Variants in SKA2 observed in about 807,000 individuals in gnomAD.
SKA2 encodes the protein spindle and kinetochore-associated protein 2.
SKA2 carries 13 observed loss-of-function variants against 16.9 expected under a neutral mutation model. The observed-to-expected ratio is 0.77, with a 90% CI of 0.50 to 1.22. SKA2 has a LOEUF of 1.22. Ranked by LOEUF, SKA2 falls within the 50% of genes most tolerant of loss-of-function variation. The probability of loss-of-function intolerance (pLI) is 0.00; values close to 1 mark genes in which losing one functional copy is unlikely to be tolerated. For synonymous variants in SKA2, 47 were observed against 48.5 expected, an observed-to-expected ratio of 0.97 and a Z score of 0.13; for missense variants, 107 against 139.7, an observed-to-expected ratio of 0.77 and a Z score of 1.18.
At chr17:59,123,557 AG>A (rs1288602166) in intron 2 of SKA2, among the ~76,000 whole-genome samples, 4 of 150,180 alleles carry the variant, frequency 2.7e-5, no homozygotes, top group African/African-American at 7.3e-5. Flanking sequence ...ACTCTGTCTC[AG>A]GAAAAAAAAA....
chr17:59,130,570 T>C (rs1599667802), intron 2 of SKA2, among the ~76,000 whole-genome samples: 1 of 150,872 alleles, frequency 6.6e-6, no homozygotes, highest in Non-Finnish European at 1.5e-5. Flanking sequence ...GTGGAGGTTA[T>C]GGTGAGCTGA....
At chr17:59,133,402 A>G (rs1245806933) in intron 1 of SKA2, among the ~76,000 whole-genome samples, 1 of 152,224 alleles carries the variant, frequency 6.6e-6, no homozygotes, top group Admixed American at 6.5e-5. Flanking sequence ...TTTACTACAG[A>G]AAGGAAAACA....
At chr17:59,139,561 G>A (rs1166470034) in intron 1 of SKA2, among the ~76,000 whole-genome samples, 2 of 151,666 alleles carry the variant, frequency 1.3e-5, no homozygotes, top group Non-Finnish European at 2.9e-5. Context: ...TGTTGCCCAG[G>A]CTAGTCTCGA....
intron 2 of SKA2, among the ~76,000 whole-genome samples, chr17:59,126,921 T>C (rs1375876461): frequency 6.6e-6 from 1 of 152,202 alleles, no homozygotes; most frequent in Non-Finnish European, 1.5e-5. Flanking sequence ...TTCAATGGAA[T>C]ATTATTCCAC....
intron 1 of SKA2, among the ~76,000 whole-genome samples, chr17:59,144,267 T>C (rs2147817353): frequency 6.7e-6 from 1 of 150,150 alleles, no homozygotes; most frequent in Admixed American, 6.7e-5. Context: ...AAGACAAGTG[T>C]TGGAGAGGAT....
chr17:59,116,763 T>TAAAA lies in SKA2; in HGVS notation c.297+2555_297+2556insTTTT, dbSNP rs1381556471. 7.1e-4 allele frequency among the ~76,000 whole-genome samples: 108 copies of TAAAA among 151,768 alleles called. 1 individual carries two copies. Among genetic ancestry groups the TAAAA allele is most frequent in the African/African-American group, 2.6e-3 (106 of 41,440 alleles). On this transcript the variant is annotated intron_variant, in intron 3 of 3. Coordinates refer to ENST00000330137, the MANE Select transcript of SKA2 (RefSeq NM_182620.4). ...TTAAAGCCCCTTTAAAATAACCTTTTGGTTATTTTAGAAAATTTCAGAGGC... is the reference window on the plus strand; with the variant it reads ...TTAAAGCCCCTTTAAAATAACCTTTTAAAAGGTTATTTTAGAAAATTTCAGAGGC...
At chr17:59,146,692 T>C (rs940851674) in intron 1 of SKA2, among the ~76,000 whole-genome samples, 3 of 152,164 alleles carry the variant, frequency 2.0e-5, no homozygotes, top group Non-Finnish European at 1.5e-5. Context: ...GACAGGGTCT[T>C]GTTCTGTAAC....
At chr17:59,154,184 A>T (rs1376208504) in intron 1 of SKA2, among the ~76,000 whole-genome samples, 1 of 149,308 alleles carries the variant, frequency 6.7e-6, no homozygotes, top group African/African-American at 2.5e-5. Flanking sequence ...AAAAAAAAAA[A>T]AAAGAAAAGA....
Position 59,119,349 on chromosome 17 carries a change from T to C in SKA2, c.267A>G (p.Ile89Met). 1 of 1,613,950 alleles carries C rather than the reference T, an allele frequency of 6.2e-7. No individual in the cohort carries two copies. Among genetic ancestry groups the C allele is most frequent in the East Asian group, 2.2e-5 (1 of 44,870 alleles). ...CATVKKTMNM[I>M]QKLQKQTDLE... ...GGTCTGTTTGCTTCTGTAGTTTTTG[T>C]ATCATATTCATAGTCTTTTTCACAG... The change falls in exon 3 of 4, where the codon ATA (isoleucine) becomes ATG (methionine). Residue 89 changes from isoleucine (I) to methionine (M), a missense_variant. Physicochemically the swap from Ile to Met is conservative, Grantham distance 10 (BLOSUM62 1). Coordinates refer to ENST00000330137, the MANE Select transcript of SKA2 (RefSeq NM_182620.4).
chr17:59,142,960 C>G (rs1025929405), intron 1 of SKA2, among the ~76,000 whole-genome samples: 2 of 147,546 alleles, frequency 1.4e-5, no homozygotes, highest in East Asian at 2.0e-4. Context: ...GAGAGAGAGA[C>G]AGTGTCTCAC....
intron 1 of SKA2, among the ~76,000 whole-genome samples, chr17:59,147,861 G>A (rs1392725762): frequency 6.9e-6 from 1 of 144,572 alleles, no homozygotes; most frequent in African/African-American, 2.5e-5. Context: ...TTTTTTATTT[G>A]AGACAAAGTC....
intron 1 of SKA2, among the ~76,000 whole-genome samples, chr17:59,148,164 T>A (rs767545911): frequency 5.9e-5 from 9 of 152,180 alleles, no homozygotes; most frequent in East Asian, 1.9e-4. Context: ...AGTTTTTAAT[T>A]TTAAAAAATT....
At chr17:59,122,215 T>G (rs919984932) in intron 2 of SKA2, among the ~76,000 whole-genome samples, 3 of 152,194 alleles carry the variant, frequency 2.0e-5, no homozygotes, top group African/African-American at 7.2e-5. Context: ...GGCTCATGCT[T>G]GTAATTCTAG....
chr17:59,119,017 C>T (rs563254309), intron 3 of SKA2, among the ~76,000 whole-genome samples: 2 of 152,278 alleles, frequency 1.3e-5, no homozygotes, highest in East Asian at 3.9e-4. Flanking sequence ...TTCTAGACAT[C>T]TCAGTCTCAC....
chr17:59,155,159 T>A lies in SKA2; in HGVS notation c.5A>T (p.Glu2Val), dbSNP rs2046614281. ...CAGTTCCAGCTTATCGACCTCCGCC[T>A]CCATGTTGAATAGTTGACATTCCGC... M[E>V]AEVDKLELMF... Residue 2 changes from glutamate to valine, a missense_variant, in exon 1 of 4, where the codon GAG becomes GTG. Transcript: ENST00000330137. 1.2e-6 allele frequency: 2 copies of A among 1,613,974 alleles called. No individual in the cohort carries two copies. Among genetic ancestry groups the A allele is most frequent in the African/African-American group, 1.3e-5 (1 of 75,028 alleles).
intron 3 of SKA2, among the ~76,000 whole-genome samples, chr17:59,113,155 C>T (rs2046274653): frequency 6.6e-6 from 1 of 150,598 alleles, no homozygotes; most frequent in Non-Finnish European, 1.5e-5. Flanking sequence ...CCTGGGAGGT[C>T]GAGACTGCAG....
At chr17:59,125,252 A>G (rs1438905402) in intron 2 of SKA2, among the ~76,000 whole-genome samples, 1 of 149,368 alleles carries the variant, frequency 6.7e-6, no homozygotes, top group Non-Finnish European at 1.5e-5. Flanking sequence ...TGGCCTCCCA[A>G]AGTGCTGGGA....
At chr17:59,134,733 G>A (rs1599670177) in intron 1 of SKA2, among the ~76,000 whole-genome samples, 1 of 151,910 alleles carries the variant, frequency 6.6e-6, no homozygotes, top group Non-Finnish European at 1.5e-5. Context: ...GACCTCCAAG[G>A]TTTGAAAGAT....
intron 1 of SKA2, among the ~76,000 whole-genome samples, chr17:59,142,518 G>A (rs2147815833): frequency 6.6e-6 from 1 of 151,828 alleles, no homozygotes; most frequent in South Asian, 2.1e-4. Flanking sequence ...TCGAACTCTC[G>A]ACCTCAGGTG....
Sources: allele counts gnomAD v4.1 joint callset (sites outside exome capture counted in the v4.1 genomes callset), GRCh38; gene constraint gnomAD v4.1.1; transcripts MANE v1.5; gene names NCBI Gene and HGNC (gene_info 2026-07-23, HGNC 2026-07-21).